The following PLCH2 variants were observed in gnomAD, a reference collection of about 807,000 sequenced individuals.
PLCH2 encodes the protein 1-phosphatidylinositol 4,5-bisphosphate phosphodiesterase eta-2.
In PLCH2, 98 loss-of-function variants were observed where a neutral mutation model predicts 134.7. The ratio of observed to expected loss-of-function variants is 0.73; its 90% confidence interval spans 0.62 to 0.86. The LOEUF (loss-of-function observed/expected upper bound fraction) is 0.86, where lower values mean the gene tolerates loss of function less well. PLCH2 is among the 40% of genes least tolerant of loss of function. The pLI is 0.00. For missense variants in PLCH2, 1,994 were observed against 1,986.6 expected (o/e 1.00, Z -0.07); for synonymous variants, 974 against 827.5 (o/e 1.18, Z -3.04).
chr1:2,501,874 G>A (rs905374468), intron 20 of PLCH2: 6 of 460,678 alleles, frequency 1.3e-5, no homozygotes, highest in Admixed American at 8.0e-5. Flanking sequence ...CGGAAGGGTG[G>A]GGTGGGCCAT....
chr1:2,502,664 C>T (rs1487373468), intron 21 of PLCH2: 2 of 690,946 alleles, frequency 2.9e-6, no homozygotes, highest in African/African-American at 3.5e-5. Flanking sequence ...TGGCCTGGAC[C>T]CTCACGCTAT....
chr1:2,436,007 G>T (rs868274211), intron 2 of PLCH2, among the ~76,000 whole-genome samples: 720 of 35,002 alleles, frequency 0.021, 2 homozygotes, highest in Non-Finnish European at 0.029. Context: ...CCTTCCTCCC[G>T]CTTCCCTCCT....
chr1:2,468,075 G>A (rs1002926777), intron 1 of PLCH2, among the ~76,000 whole-genome samples: 2 of 152,222 alleles, frequency 1.3e-5, no homozygotes, highest in African/African-American at 4.8e-5. Context: ...TGCTCGGGTG[G>A]GGGGCAGGTC....
intron 2 of PLCH2, among the ~76,000 whole-genome samples, chr1:2,453,159 G>A (rs906222116): frequency 3.3e-5 from 5 of 152,114 alleles, no homozygotes; most frequent in African/African-American, 4.8e-5. Flanking sequence ...CCTGTCCCCC[G>A]ATCTTCCAGT....
At chr1:2,434,727 GGA>G (rs1294127490) in intron 2 of PLCH2, among the ~76,000 whole-genome samples, 1 of 152,236 alleles carries the variant, frequency 6.6e-6, no homozygotes, top group Non-Finnish European at 1.5e-5. Flanking sequence ...CTAAAAGTGG[GGA>G]GAGCCTCGCC....
At chr1:2,452,769 G>A (rs1190426631) in intron 2 of PLCH2, among the ~76,000 whole-genome samples, 1 of 152,176 alleles carries the variant, frequency 6.6e-6, no homozygotes, top group Non-Finnish European at 1.5e-5. Flanking sequence ...GTCCTGGGAG[G>A]GCCTGGAGCT....
intron 13 of PLCH2, among the ~76,000 whole-genome samples, chr1:2,496,209 C>T (rs1558025223): frequency 6.6e-6 from 1 of 152,220 alleles, no homozygotes; most frequent in Non-Finnish European, 1.5e-5. Flanking sequence ...ATCTGATCCA[C>T]GTGTGCCGCT....
chr1:2,456,979 G>A (rs887623774), intron 2 of PLCH2, among the ~76,000 whole-genome samples: 3 of 152,182 alleles, frequency 2.0e-5, no homozygotes, highest in African/African-American at 7.2e-5. Flanking sequence ...GGTCCTCTCT[G>A]TCCAGCCAGG....
At chr1:2,488,680 C>T (rs1196381760) in intron 8 of PLCH2, among the ~76,000 whole-genome samples, 1 of 152,230 alleles carries the variant, frequency 6.6e-6, no homozygotes, top group Admixed American at 6.5e-5. Context: ...CTGCTATACT[C>T]CCCATTCTGC....
chr1:2,440,076 C>A (rs1358284894), intron 2 of PLCH2, among the ~76,000 whole-genome samples: 1 of 152,060 alleles, frequency 6.6e-6, no homozygotes, highest in East Asian at 1.9e-4. Context: ...GAGGGAAGGG[C>A]AAACAGGGTA....
At chr1:2,470,125 C>A (rs1006628246) in intron 1 of PLCH2, among the ~76,000 whole-genome samples, 3 of 152,220 alleles carry the variant, frequency 2.0e-5, no homozygotes, top group Non-Finnish European at 2.9e-5. Flanking sequence ...ACCGCTCAGA[C>A]CTGGCGACCC....
At chr1:2,489,913 C>A in intron 10 of PLCH2, 46 bp downstream of exon 10, 1 of 1,320,074 alleles carries the variant, frequency 7.6e-7, no homozygotes, top group Non-Finnish European at 1.1e-6. Context: ...GCCTGCAGTT[C>A]CCAAGAACAG....
In PLCH2 at chr1:2,504,582, G is replaced by C; in HGVS notation, c.3620G>C (p.Arg1207Pro). The change falls in exon 22 of 22, where the codon CGG becomes CCG. Residue 1207 changes from arginine to proline, a missense_variant. Arg to Pro is a moderately radical substitution (Grantham distance 103, BLOSUM62 -2). Around this residue, in one of 2 missense-constraint regions of PLCH2, gnomAD observed 900 missense variants for 752.3 expected, o/e 1.20. Coordinates refer to ENST00000378486, the MANE Select transcript of PLCH2 (RefSeq NM_014638.4). ...VTKSKSNPNL[R>P]ATGQRPPIPD... ...AAGAGCAAATCCAACCCCAACCTTC[G>C]GGCTACAGGCCAGCGGCCTCCCATA... 6.2e-7 allele frequency: 1 copy of C among 1,612,718 alleles called. No homozygotes were observed. Among genetic ancestry groups the C allele is most frequent in the South Asian group, 1.1e-5 (1 of 91,084 alleles).
the PLCH2 span, among the ~76,000 whole-genome samples, chr1:2,420,088 C>T: frequency 1.3e-5 from 2 of 151,796 alleles, no homozygotes; most frequent in Non-Finnish European, 2.9e-5. Context: ...ACCTGCCTCC[C>T]CACTCCCCGC....
chr1:2,416,011 C>T, the PLCH2 span, among the ~76,000 whole-genome samples: 96 of 152,340 alleles, frequency 6.3e-4, no homozygotes, highest in Admixed American at 1.3e-3. Context: ...TGCAGCCCCA[C>T]GGTTCGTATC....
At chr1:2,418,951 G>C in the PLCH2 span, among the ~76,000 whole-genome samples, 2 of 152,208 alleles carry the variant, frequency 1.3e-5, no homozygotes, top group Non-Finnish European at 2.9e-5. Context: ...AGTAGCCCTT[G>C]ATTCTTCCTA....
chr1:2,419,852 C>G, the PLCH2 span, among the ~76,000 whole-genome samples: 1 of 152,058 alleles, frequency 6.6e-6, no homozygotes, highest in African/African-American at 2.4e-5. Flanking sequence ...CTGGGACCCT[C>G]AAGCCAGCCC....
intron 4 of PLCH2, among the ~76,000 whole-genome samples, chr1:2,480,634 A>G (rs1055711926): frequency 1.3e-5 from 2 of 152,082 alleles, no homozygotes; most frequent in Non-Finnish European, 2.9e-5. Context: ...GCAGGTGCCC[A>G]AATGAAGCTG....
Position 2,499,031 on chromosome 1 carries a change from G to T in PLCH2, c.2435-53G>T, listed in dbSNP as rs150434758. On this transcript the variant is annotated intron_variant, in intron 18 of 21. Coordinates refer to ENST00000378486, the MANE Select transcript of PLCH2 (RefSeq NM_014638.4). The stretch of plus-strand genomic sequence containing the variant: ...GGGCCGGGGGCTCCAGGCTGGAGCG[G>T]TGCTGGGCCGGGCCCTCCCCATGGG... 3,874 of 1,573,950 alleles carry T rather than the reference G, an allele frequency of 2.5e-3. 72 individuals are homozygous for T. The African/African-American group carries it at 0.046, about 19-fold the overall frequency.
Sources: allele counts gnomAD v4.1 joint callset (sites outside exome capture counted in the v4.1 genomes callset), GRCh38; gene constraint gnomAD v4.1.1; regional missense constraint gnomAD v4.1.1; transcripts MANE v1.5; gene names NCBI Gene and HGNC (gene_info 2026-07-23, HGNC 2026-07-21).